Variants in TRHDE observed in about 807,000 individuals in gnomAD.
The protein encoded by TRHDE is thyrotropin releasing hormone degrading enzyme, also known as thyrotropin-releasing hormone-degrading ectoenzyme.
TRHDE carries 72 observed loss-of-function variants against 125.7 expected under a neutral mutation model. The observed-to-expected ratio is 0.57, with a 90% CI of 0.47 to 0.70. TRHDE has a LOEUF of 0.70. Among genes scored for constraint, TRHDE ranks in the 30% least tolerant of loss-of-function variants. The pLI, the probability that TRHDE is intolerant of heterozygous loss-of-function variation, is 0.00. For synonymous variants in TRHDE, 509 were observed against 509.1 expected (o/e 1.00, Z 0.00); for missense variants, 1,110 against 1,327.1 (o/e 0.84, Z 2.54).
intron 6 of TRHDE, among the ~76,000 whole-genome samples, chr12:72,519,284 A>G (rs1024799667): frequency 6.6e-6 from 1 of 152,144 alleles, no homozygotes; most frequent in African/African-American, 2.4e-5. Flanking sequence ...CAGGTCACCA[A>G]TCAGATGTAG....
At chr12:72,227,054 G>A (rs1005220135) in intron 2 of TRHDE, among the ~76,000 whole-genome samples, 5 of 152,160 alleles carry the variant, frequency 3.3e-5, no homozygotes, top group South Asian at 2.1e-4. Context: ...GATAACCAAA[G>A]CATTTCAAAA....
At chr12:72,547,615 C>A (rs1014145136) in intron 7 of TRHDE, among the ~76,000 whole-genome samples, 1 of 151,768 alleles carries the variant, frequency 6.6e-6, no homozygotes, top group African/African-American at 2.4e-5. Context: ...CCCAGGTGGG[C>A]CAATCCTCTT....
At chr12:72,447,458 C>T (rs1875350584) in intron 3 of TRHDE, among the ~76,000 whole-genome samples, 1 of 152,026 alleles carries the variant, frequency 6.6e-6, no homozygotes, top group Admixed American at 6.6e-5. Context: ...CTAACAGTCT[C>T]CTAGTGATGT....
intron 3 of TRHDE, among the ~76,000 whole-genome samples, chr12:72,380,766 G>GCTTC (rs3085951): frequency 0.24 from 16,793 of 70,092 alleles, 2,129 homozygotes; most frequent in Middle Eastern, 0.28. Flanking sequence ...TTCCTTCCTT[G>GCTTC]CTTCCTTCCT....
At chr12:72,127,012 A>G (rs1305086708) in intron 2 of TRHDE, among the ~76,000 whole-genome samples, 4 of 152,200 alleles carry the variant, frequency 2.6e-5, no homozygotes, top group Non-Finnish European at 5.9e-5. Flanking sequence ...CAAAAACCAA[A>G]TAAGCCTATT....
intron 1 of TRHDE, among the ~76,000 whole-genome samples, chr12:72,088,374 A>G (rs942526626): frequency 6.6e-6 from 1 of 152,100 alleles, no homozygotes; most frequent in African/African-American, 2.4e-5. Context: ...GAGAATGGTG[A>G]GTGATATCCA....
At chr12:72,607,799 G>A (rs994518289) in intron 12 of TRHDE, among the ~76,000 whole-genome samples, 1 of 152,130 alleles carries the variant, frequency 6.6e-6, no homozygotes, top group African/African-American at 2.4e-5. Context: ...GCTCTTGGTA[G>A]AGTCCCTCTG....
intron 3 of TRHDE, among the ~76,000 whole-genome samples, chr12:72,463,142 C>T (rs986315080): frequency 7.9e-5 from 12 of 152,166 alleles, no homozygotes; most frequent in African/African-American, 2.9e-4. Context: ...TGCCACATCC[C>T]CTGACTACAC....
chr12:72,643,030 C>T (rs1453172441), intron 15 of TRHDE, among the ~76,000 whole-genome samples: 1 of 152,150 alleles, frequency 6.6e-6, no homozygotes, highest in African/African-American at 2.4e-5. Flanking sequence ...CTGAAGGCCC[C>T]TGGCATATCC....
chr12:72,375,268 G>T (rs887243697), intron 2 of TRHDE, among the ~76,000 whole-genome samples: 1 of 152,138 alleles, frequency 6.6e-6, no homozygotes, highest in Non-Finnish European at 1.5e-5. Flanking sequence ...TCATTTTGTG[G>T]TAGGAATTTT....
chr12:72,647,479 G>A (rs994827377), intron 15 of TRHDE, among the ~76,000 whole-genome samples: 7 of 151,652 alleles, frequency 4.6e-5, no homozygotes, highest in Non-Finnish European at 1.5e-5. Flanking sequence ...AAAAAAAATG[G>A]AAAATAGAAA....
intron 2 of TRHDE, among the ~76,000 whole-genome samples, chr12:72,203,423 G>A (rs564122519): frequency 6.6e-6 from 1 of 152,194 alleles, no homozygotes; most frequent in Non-Finnish European, 1.5e-5. Context: ...AGCAGAGATC[G>A]CGCCACTGCA....
intron 3 of TRHDE, among the ~76,000 whole-genome samples, chr12:72,462,005 A>T (rs1421551901): frequency 6.6e-6 from 1 of 152,208 alleles, no homozygotes; most frequent in Non-Finnish European, 1.5e-5. Context: ...CCATGTTATC[A>T]ATAAGGAAGT....
At chr12:72,541,461 A>G (rs1237737324) in intron 6 of TRHDE, among the ~76,000 whole-genome samples, 1 of 151,570 alleles carries the variant, frequency 6.6e-6, no homozygotes, top group African/African-American at 2.4e-5. Flanking sequence ...CTTTCAAATT[A>G]GTATTTTCTT....
rs1345646016 is a variant in TRHDE at position 72,663,752 on chromosome 12, T to C, written c.*557T>C. On this transcript the variant is annotated 3_prime_UTR_variant, in exon 19 of 19. Transcript: ENST00000261180. Reference sequence around the variant, plus strand: ...AGAGGTAAAATAGCCCTTGACATGATGAACATCACTTATTTCAGCACTTGG... The same window carrying C: ...AGAGGTAAAATAGCCCTTGACATGACGAACATCACTTATTTCAGCACTTGG... 1 of 152,500 alleles carries C rather than the reference T, an allele frequency of 6.6e-6. No individual in the cohort carries two copies. The highest frequency in any genetic ancestry group is 1.5e-5 in the Non-Finnish European group (1 of 68,016). 9.4% of individuals were successfully genotyped at this position (152,500 alleles called of 1,614,324 possible).
intron 15 of TRHDE, among the ~76,000 whole-genome samples, chr12:72,634,505 TTTA>T (rs1873636801): frequency 6.6e-6 from 1 of 151,948 alleles, no homozygotes; most frequent in Non-Finnish European, 1.5e-5. Flanking sequence ...TAATTGTTAA[TTTA>T]TTATTATTAT....
chr12:72,411,626 T>G (rs760135650), intron 3 of TRHDE, among the ~76,000 whole-genome samples: 1 of 152,148 alleles, frequency 6.6e-6, no homozygotes, highest in African/African-American at 2.4e-5. Flanking sequence ...GCTCTTTTGT[T>G]CAATTCAACA....
chr12:72,342,542 G>A (rs545857812), intron 2 of TRHDE, among the ~76,000 whole-genome samples: 2 of 152,224 alleles, frequency 1.3e-5, no homozygotes, highest in East Asian at 3.9e-4. Flanking sequence ...TTGAGATGTG[G>A]AATTGGGTGA....
intron 3 of TRHDE, among the ~76,000 whole-genome samples, chr12:72,460,399 T>C (rs1181978116): frequency 1.3e-5 from 2 of 152,168 alleles, no homozygotes; most frequent in Non-Finnish European, 2.9e-5. Flanking sequence ...ATGCACTGCA[T>C]TGTAATTGCC....
Sources: allele counts gnomAD v4.1 joint callset (sites outside exome capture counted in the v4.1 genomes callset), GRCh38; gene constraint gnomAD v4.1.1; transcripts MANE v1.5; gene names NCBI Gene and HGNC (gene_info 2026-07-23, HGNC 2026-07-21).